Variants in PTPRD observed in about 807,000 individuals in gnomAD.
PTPRD encodes the protein protein tyrosine phosphatase receptor type D.
In PTPRD, 34 loss-of-function variants were observed where a neutral mutation model predicts 214.5. The ratio of observed to expected loss-of-function variants is 0.16; its 90% CI spans 0.12 to 0.21. PTPRD has a LOEUF of 0.21. Ranked by LOEUF, PTPRD falls within the 10% of genes least tolerant of loss-of-function variation. PTPRD has a pLI of 1.00. For missense variants in PTPRD, 2,545 were observed against 2,398.7 expected (o/e 1.06, Z -1.27); for synonymous variants, 1,128 against 845.7 (o/e 1.33, Z -5.79).
intron 11 of PTPRD, among the ~76,000 whole-genome samples, chr9:9,014,471 T>A (rs2099526005): frequency 6.6e-6 from 1 of 152,282 alleles, no homozygotes; most frequent in African/African-American, 2.4e-5. Flanking sequence ...AGTGTTAATA[T>A]GAACGATACA....
intron 11 of PTPRD, among the ~76,000 whole-genome samples, chr9:8,824,718 G>A (rs1220081334): frequency 6.6e-6 from 1 of 152,134 alleles, no homozygotes; most frequent in Admixed American, 6.5e-5. Context: ...TACTGATCCA[G>A]ATTTTTACAT....
chr9:9,799,841 A>T (rs902705836), intron 5 of PTPRD, among the ~76,000 whole-genome samples: 1 of 152,186 alleles, frequency 6.6e-6, no homozygotes. Context: ...ATCTAGACTG[A>T]GAGAGACTAG....
chr9:9,938,846 GTTAT>G (rs1337449159), intron 4 of PTPRD, among the ~76,000 whole-genome samples: 1 of 151,936 alleles, frequency 6.6e-6, no homozygotes, highest in African/African-American at 2.4e-5. Context: ...CTTATAAAAG[GTTAT>G]TTATTACTTG....
rs147206474 is a variant in PTPRD at position 8,840,271 on chromosome 9, T to C, written c.-103-106325A>G. Among the ~76,000 whole-genome samples the C allele has an allele frequency of 6.5e-3, 987 of 152,282 alleles. 9 individuals are homozygous for C. Among genetic ancestry groups the C allele is most frequent in the African/African-American group, 0.023 (939 of 41,570 alleles). On this transcript the variant is annotated intron_variant, in intron 11 of 45. Transcript: ENST00000381196. The stretch of plus-strand genomic sequence containing the variant: ...TACCTGGTGGGAGGTAATCGAATCA[T>C]GAGGGCAGGTTTTTCCCATGCTGTT...
intron 35 of PTPRD, among the ~76,000 whole-genome samples, chr9:8,414,207 A>AT (rs2093729394): frequency 6.6e-6 from 1 of 152,088 alleles, no homozygotes; most frequent in Non-Finnish European, 1.5e-5. Context: ...AAAAAAAAAA[A>AT]TTTAAATAAA....
chr9:9,570,795 A>G (rs1014858453), intron 8 of PTPRD, among the ~76,000 whole-genome samples: 1 of 151,602 alleles, frequency 6.6e-6, no homozygotes, highest in African/African-American at 2.4e-5. Flanking sequence ...AGCAGAAAGA[A>G]AAAAACAGGC....
intron 15 of PTPRD, chr9:8,528,257 A>G (rs908741068): frequency 2.8e-5 from 12 of 426,136 alleles, no homozygotes; most frequent in African/African-American, 2.5e-4. Context: ...GTTTCAAAAG[A>G]AAACAGAGAA....
intron 3 of PTPRD, among the ~76,000 whole-genome samples, chr9:10,083,719 G>A (rs2098280262): frequency 6.6e-6 from 1 of 151,878 alleles, no homozygotes; most frequent in Non-Finnish European, 1.5e-5. Context: ...TTTTTCTATG[G>A]TAGGAGTCGG....
chr9:8,564,650 A>G (rs1429396290), intron 14 of PTPRD, among the ~76,000 whole-genome samples: 1 of 152,200 alleles, frequency 6.6e-6, no homozygotes, highest in Non-Finnish European at 1.5e-5. Context: ...TAGTGAGCCA[A>G]GATCGTGCCA....
intron 35 of PTPRD, among the ~76,000 whole-genome samples, chr9:8,424,018 T>G (rs906495557): frequency 2.2e-4 from 34 of 152,192 alleles, no homozygotes; most frequent in African/African-American, 8.0e-4. Flanking sequence ...ATCTTCAAAC[T>G]TGCTAATTTT....
chr9:9,532,439 AC>A (rs1478579527), intron 8 of PTPRD, among the ~76,000 whole-genome samples: 1 of 152,104 alleles, frequency 6.6e-6, no homozygotes, highest in African/African-American at 2.4e-5. Context: ...GAAATTTGGA[AC>A]TGGACTTTCT....
chr9:9,817,087 C>T (rs914592911), intron 5 of PTPRD, among the ~76,000 whole-genome samples: 2 of 152,060 alleles, frequency 1.3e-5, no homozygotes, highest in African/African-American at 4.8e-5. Context: ...TGAGCTTCCC[C>T]TAGGCAAGCT....
At chr9:9,542,822 T>C (rs1194787852) in intron 8 of PTPRD, among the ~76,000 whole-genome samples, 1 of 151,662 alleles carries the variant, frequency 6.6e-6, no homozygotes, top group South Asian at 2.1e-4. Flanking sequence ...TTAACAACCA[T>C]GAGGAGCAAC....
At chr9:9,192,828 A>G (rs1027762507) in intron 9 of PTPRD, among the ~76,000 whole-genome samples, 2 of 152,124 alleles carry the variant, frequency 1.3e-5, no homozygotes, top group Non-Finnish European at 2.9e-5. Flanking sequence ...GTTAATAAAT[A>G]TCAGAGACTG....
At chr9:8,819,892 T>C (rs139290734) in intron 11 of PTPRD, among the ~76,000 whole-genome samples, 1 of 152,224 alleles carries the variant, frequency 6.6e-6, no homozygotes, top group African/African-American at 2.4e-5. Context: ...TGTCTTGTTC[T>C]CCTTGTCCAC....
chr9:10,463,155 A>C (rs1005342907), intron 2 of PTPRD, among the ~76,000 whole-genome samples: 11 of 152,018 alleles, frequency 7.2e-5, no homozygotes, highest in Non-Finnish European at 1.0e-4. Context: ...TTATGTATAC[A>C]TTAAGACACC....
At chr9:9,165,587 C>G (rs1254156140) in intron 10 of PTPRD, among the ~76,000 whole-genome samples, 4 of 152,102 alleles carry the variant, frequency 2.6e-5, no homozygotes, top group Non-Finnish European at 5.9e-5. Flanking sequence ...GTACATCATA[C>G]TATTAAGGTT....
chr9:10,578,848 T>G (rs61506114), intron 2 of PTPRD, among the ~76,000 whole-genome samples: 24,643 of 152,164 alleles, frequency 0.16, 2,471 homozygotes, highest in African/African-American at 0.29. Context: ...GTGAGTATAG[T>G]ACCCAATAGT....
intron 8 of PTPRD, among the ~76,000 whole-genome samples, chr9:9,503,556 C>T (rs1029741063): frequency 2.0e-5 from 3 of 151,606 alleles, no homozygotes; most frequent in African/African-American, 7.3e-5. Context: ...CCATTTCTGC[C>T]ACAATGATCA....
Sources: gnomAD v4.1 joint callset for allele counts (sites outside exome capture counted in the v4.1 genomes callset) on GRCh38, gnomAD v4.1.1 for gene constraint, MANE v1.5 for transcripts, NCBI Gene and HGNC (gene_info 2026-07-23, HGNC 2026-07-21) for gene names.